Variants in PTPRG observed in about 807,000 individuals in gnomAD.
PTPRG encodes the protein protein tyrosine phosphatase receptor type G.
A neutral mutation model predicts 165.3 loss-of-function variants in PTPRG; 102 were observed. The ratio of observed to expected loss-of-function variants is 0.62; its 90% CI spans 0.53 to 0.73. The LOEUF (loss-of-function observed/expected upper bound fraction) is 0.73. Ranked by LOEUF, PTPRG falls within the 30% of genes least tolerant of loss-of-function variation. PTPRG has a pLI of 0.00. For missense variants in PTPRG, 1,866 were observed against 1,861.4 expected (o/e 1.00, Z -0.05); for synonymous variants, 675 against 669.5 (o/e 1.01, Z -0.13).
intron 9 of PTPRG, among the ~76,000 whole-genome samples, 194 bp from the exon 10 acceptor site, chr3:62,194,868 G>A (rs1055012412): frequency 6.6e-6 from 1 of 151,950 alleles, no homozygotes; most frequent in African/African-American, 2.4e-5. Context: ...TTGAAAACAG[G>A]TTCCCAGGGA....
At chr3:61,958,204 G>A (rs2040077013) in intron 2 of PTPRG, among the ~76,000 whole-genome samples, 1 of 151,842 alleles carries the variant, frequency 6.6e-6, no homozygotes, top group Non-Finnish European at 1.5e-5. Flanking sequence ...TTAGCTCACT[G>A]CAACCTCTGC....
At chr3:61,898,781 G>A (rs766682824) in intron 2 of PTPRG, among the ~76,000 whole-genome samples, 68 of 152,220 alleles carry the variant, frequency 4.5e-4, no homozygotes, top group Non-Finnish European at 7.6e-4. Context: ...AGAGCCAAAA[G>A]AGGAATTCAA....
chr3:61,962,374 T>G (rs2040173044), intron 2 of PTPRG, among the ~76,000 whole-genome samples: 1 of 152,210 alleles, frequency 6.6e-6, no homozygotes, highest in South Asian at 2.1e-4. Context: ...AATCTTTCCT[T>G]TGCTCCTGTA....
At chr3:61,895,499 C>T (rs772633758) in intron 2 of PTPRG, among the ~76,000 whole-genome samples, 1 of 152,180 alleles carries the variant, frequency 6.6e-6, no homozygotes, top group Non-Finnish European at 1.5e-5. Flanking sequence ...CTTGTAAAAT[C>T]GCATGCTGTG....
intron 2 of PTPRG, among the ~76,000 whole-genome samples, chr3:61,821,232 T>C (rs661966): frequency 0.36 from 54,760 of 151,664 alleles, 11,553 homozygotes; most frequent in African/African-American, 0.59. Flanking sequence ...TGCAGTGGCG[T>C]GATCTTGGCT....
In PTPRG at chr3:62,044,267, G is replaced by A. The variant is rs1700218069; in HGVS notation, c.520-33896G>A. 1.3e-5 allele frequency among the ~76,000 whole-genome samples: 2 copies of A among 152,208 alleles called. 1 individual carries two copies. Among genetic ancestry groups the A allele is most frequent in the South Asian group, 4.1e-4 (2 of 4,836 alleles). ...TTGAAAATGGCTCTTGGCCGGGTGTGGTGGCTCACGCCTGTAATCCCAGCA... is the reference window on the plus strand; with the variant it reads ...TTGAAAATGGCTCTTGGCCGGGTGTAGTGGCTCACGCCTGTAATCCCAGCA... On this transcript the variant is annotated intron_variant, in intron 4 of 29. Transcript: ENST00000474889.
At chr3:61,656,829 T>G (rs937937697) in intron 1 of PTPRG, among the ~76,000 whole-genome samples, 9 of 152,342 alleles carry the variant, frequency 5.9e-5, no homozygotes, top group African/African-American at 2.2e-4. Flanking sequence ...TTTTACTTAT[T>G]CTCCAGATAT....
intron 8 of PTPRG, among the ~76,000 whole-genome samples, chr3:62,189,395 G>C (rs903939766): frequency 6.6e-6 from 1 of 152,122 alleles, no homozygotes; most frequent in East Asian, 1.9e-4. Flanking sequence ...TTGGGTTCTT[G>C]AGTAGGAAAT....
intron 2 of PTPRG, among the ~76,000 whole-genome samples, chr3:61,912,727 T>C (rs1198306935): frequency 6.6e-6 from 1 of 152,244 alleles, no homozygotes; most frequent in African/African-American, 2.4e-5. Context: ...CATTTCTTTA[T>C]TCTCCATGCA....
At chr3:61,812,203 T>C (rs1559625157) in intron 2 of PTPRG, among the ~76,000 whole-genome samples, 1 of 150,456 alleles carries the variant, frequency 6.6e-6, no homozygotes, top group African/African-American at 2.4e-5. Flanking sequence ...CTACAGTTGA[T>C]TGTGTGTGTG....
intron 4 of PTPRG, among the ~76,000 whole-genome samples, chr3:62,026,741 C>G (rs1487490698): frequency 6.6e-6 from 1 of 151,916 alleles, no homozygotes; most frequent in Non-Finnish European, 1.5e-5. Context: ...AGAAAATTAG[C>G]CAGGCGTGGT....
intron 3 of PTPRG, among the ~76,000 whole-genome samples, chr3:61,999,337 G>A (rs1384908941): frequency 1.3e-5 from 2 of 152,082 alleles, no homozygotes; most frequent in South Asian, 2.1e-4. Context: ...ACAAGCCACC[G>A]TGCCTGGCCT....
At chr3:61,755,567 G>T (rs555369250) in intron 2 of PTPRG, among the ~76,000 whole-genome samples, 2 of 152,288 alleles carry the variant, frequency 1.3e-5, no homozygotes, top group East Asian at 3.9e-4. Context: ...TGTCTACTGT[G>T]TGCCAGGTGT....
At chr3:62,092,775 T>C (rs1701986298) in intron 5 of PTPRG, among the ~76,000 whole-genome samples, 1 of 152,174 alleles carries the variant, frequency 6.6e-6, no homozygotes, top group Non-Finnish European at 1.5e-5. Context: ...TAGTAAGTCC[T>C]CAGTAAATAC....
At chr3:61,950,030 G>A (rs998915699) in intron 2 of PTPRG, among the ~76,000 whole-genome samples, 1 of 152,204 alleles carries the variant, frequency 6.6e-6, no homozygotes, top group African/African-American at 2.4e-5. Context: ...ACAGGCATGA[G>A]CCACTGAGCC....
At chr3:61,823,931 C>T (rs2036031040) in intron 2 of PTPRG, among the ~76,000 whole-genome samples, 2 of 152,054 alleles carry the variant, frequency 1.3e-5, no homozygotes, top group Non-Finnish European at 2.9e-5. Context: ...TCGAGACCAT[C>T]CTGGCTAACA....
At chr3:61,797,909 A>T (rs2035103475) in intron 2 of PTPRG, among the ~76,000 whole-genome samples, 3 of 140,860 alleles carry the variant, frequency 2.1e-5, no homozygotes, top group Admixed American at 2.1e-4. Context: ...GGAGAAAAAA[A>T]TGAAAAAAAC....
intron 1 of PTPRG, among the ~76,000 whole-genome samples, chr3:61,568,680 C>T (rs1477478137): frequency 6.6e-6 from 1 of 151,860 alleles, no homozygotes; most frequent in Non-Finnish European, 1.5e-5. Flanking sequence ...GAGGCCCAGG[C>T]GGACGGAACA....
At chr3:61,793,174 T>C (rs1319899500) in intron 2 of PTPRG, among the ~76,000 whole-genome samples, 1 of 152,170 alleles carries the variant, frequency 6.6e-6, no homozygotes, top group Non-Finnish European at 1.5e-5. Context: ...TGTCTGTCCC[T>C]GCTTCTCACA....
Sources: gnomAD v4.1 joint callset for allele counts (sites outside exome capture counted in the v4.1 genomes callset) on GRCh38, gnomAD v4.1.1 for gene constraint, MANE v1.5 for transcripts, NCBI Gene and HGNC (gene_info 2026-07-23, HGNC 2026-07-21) for gene names.